FBXO4: variants seen among roughly 807,000 people sequenced by gnomAD.
The protein encoded by FBXO4 is F-box only protein 4.
FBXO4 carries 36 observed loss-of-function variants against 43.7 expected under a neutral mutation model. That is an observed-to-expected ratio of 0.82 (90% CI 0.63 to 1.09). The LOEUF is 1.09. Among genes scored for constraint, FBXO4 ranks in the 50% least tolerant of loss-of-function variants. The probability of loss-of-function intolerance (pLI) is 0.00; values close to 1 mark genes in which losing one functional copy is unlikely to be tolerated. For synonymous variants in FBXO4, 180 were observed against 165.6 expected (o/e 1.09, Z -0.67); for missense variants, 435 against 474.1 (o/e 0.92, Z 0.77).
the FBXO4 span, among the ~76,000 whole-genome samples, chr5:42,035,816 T>C: frequency 4.6e-5 from 7 of 152,264 alleles, no homozygotes; most frequent in Non-Finnish European, 8.8e-5. Flanking sequence ...ACACAGGCTA[T>C]TAAAGAGAGA....
At chr5:41,999,518 T>TAC in the FBXO4 span, among the ~76,000 whole-genome samples, 283 of 115,276 alleles carry the variant, frequency 2.5e-3, 2 homozygotes, top group African/African-American at 0.012. Context: ...TATATATATA[T>TAC]ATATACATAT....
the FBXO4 span, among the ~76,000 whole-genome samples, chr5:41,988,436 G>A: frequency 6.6e-6 from 1 of 152,252 alleles, no homozygotes; most frequent in East Asian, 1.9e-4. Flanking sequence ...AAAGTATGAG[G>A]ATGTTTTTCT....
the FBXO4 span, among the ~76,000 whole-genome samples, chr5:41,978,202 A>G: frequency 6.6e-6 from 1 of 152,138 alleles, no homozygotes; most frequent in South Asian, 2.1e-4. Flanking sequence ...TTTGAACTAT[A>G]AGAGCAAGAG....
chr5:41,989,212 T>C, the FBXO4 span, among the ~76,000 whole-genome samples: 1 of 152,170 alleles, frequency 6.6e-6, no homozygotes, highest in Non-Finnish European at 1.5e-5. Flanking sequence ...ATTAATTAGA[T>C]ATTATCATTG....
the FBXO4 span, among the ~76,000 whole-genome samples, chr5:41,966,951 C>A: frequency 1.3e-5 from 2 of 152,134 alleles, no homozygotes; most frequent in Non-Finnish European, 2.9e-5. Context: ...CTGCATGATA[C>A]TGTAATGCTT....
the FBXO4 span, among the ~76,000 whole-genome samples, chr5:42,009,983 AT>A: frequency 6.6e-6 from 1 of 152,112 alleles, no homozygotes. Context: ...GTCTCTATAA[AT>A]TTGATTACTC....
chr5:42,039,637 T>C, the FBXO4 span, among the ~76,000 whole-genome samples: 1 of 152,060 alleles, frequency 6.6e-6, no homozygotes, highest in African/African-American at 2.4e-5. Context: ...AAAACCCTCC[T>C]ATTGAGTGTG....
the FBXO4 span, chr5:41,967,628 C>T: frequency 9.7e-7 from 1 of 1,028,402 alleles, no homozygotes; most frequent in Non-Finnish European, 1.5e-6. Flanking sequence ...GGTTGGAATG[C>T]CAGTTTGCTT....
chr5:41,959,380 G>T, the FBXO4 span, among the ~76,000 whole-genome samples: 1 of 151,744 alleles, frequency 6.6e-6, no homozygotes, highest in Non-Finnish European at 1.5e-5. Flanking sequence ...TTTGTTTTGC[G>T]AAAGTTTTTC....
the FBXO4 span, among the ~76,000 whole-genome samples, chr5:42,039,165 T>C: frequency 6.6e-6 from 1 of 152,098 alleles, no homozygotes; most frequent in East Asian, 1.9e-4. Flanking sequence ...TATGTTAAAA[T>C]TGAGCTCAAA....
the FBXO4 span, among the ~76,000 whole-genome samples, chr5:41,948,782 G>C: frequency 2.0e-5 from 3 of 152,026 alleles, no homozygotes; most frequent in African/African-American, 7.2e-5. Flanking sequence ...TGAAAAGAAT[G>C]CTTCATTTAT....
At chr5:41,932,121 G>T (rs753734620) in intron 3 of FBXO4, among the ~76,000 whole-genome samples, 12 of 152,158 alleles carry the variant, frequency 7.9e-5, no homozygotes, top group Non-Finnish European at 1.6e-4. Context: ...AAGTTTGATG[G>T]TTATAAAATG....
the FBXO4 span, among the ~76,000 whole-genome samples, chr5:42,012,431 C>T: frequency 3.3e-5 from 5 of 152,290 alleles, no homozygotes; most frequent in African/African-American, 1.2e-4. Context: ...CAGAAACACA[C>T]TCTGAGAAAC....
At chr5:41,952,048 T>C in the FBXO4 span, 1 of 238,158 alleles carries the variant, frequency 4.2e-6, no homozygotes, top group South Asian at 6.7e-5. Flanking sequence ...AGATTTATGA[T>C]GCAGATGCTA....
At chr5:41,962,627 A>G in the FBXO4 span, among the ~76,000 whole-genome samples, 1 of 152,112 alleles carries the variant, frequency 6.6e-6, no homozygotes, top group Non-Finnish European at 1.5e-5. Flanking sequence ...TCAGTGCGGC[A>G]AGTCTCTTCC....
chr5:41,985,445 A>G, the FBXO4 span, among the ~76,000 whole-genome samples: 5 of 152,332 alleles, frequency 3.3e-5, no homozygotes, highest in African/African-American at 9.6e-5. Flanking sequence ...AAAAGCAGCA[A>G]TGTCAGAAAG....
chr5:41,990,956 T>C, the FBXO4 span, among the ~76,000 whole-genome samples: 1 of 152,346 alleles, frequency 6.6e-6, no homozygotes, highest in South Asian at 2.1e-4. Flanking sequence ...TTTTCTCATC[T>C]TCATTGTCAT....
chr5:42,007,795 T>G, the FBXO4 span, among the ~76,000 whole-genome samples: 11 of 152,140 alleles, frequency 7.2e-5, no homozygotes, highest in Non-Finnish European at 1.2e-4. Context: ...ATCCTACTGG[T>G]GGAGTGGCGC....
the FBXO4 span, among the ~76,000 whole-genome samples, chr5:41,981,481 A>C: frequency 6.6e-6 from 1 of 151,526 alleles, no homozygotes; most frequent in Non-Finnish European, 1.5e-5. Context: ...TTTATTGCTA[A>C]TATTTCAAGG....
Sources: gnomAD v4.1 joint callset for allele counts (sites outside exome capture counted in the v4.1 genomes callset) on GRCh38, gnomAD v4.1.1 for gene constraint, MANE v1.5 for transcripts, NCBI Gene and HGNC (gene_info 2026-07-23, HGNC 2026-07-21) for gene names.